The following CRIM1 variants were observed in gnomAD, a reference collection of about 807,000 sequenced individuals.
The protein encoded by CRIM1 is cysteine-rich motor neuron 1 protein.
Under a neutral mutation model 116.4 loss-of-function variants are expected in CRIM1, and 32 were observed. That is an observed-to-expected ratio of 0.27 (90% CI 0.21 to 0.37). The LOEUF (loss-of-function observed/expected upper bound fraction) is 0.37. CRIM1 is among the 10% of genes least tolerant of loss of function. The pLI is 1.00. For missense variants in CRIM1, 1,331 were observed against 1,354.8 expected (o/e 0.98, Z 0.28); for synonymous variants, 590 against 509.2 (o/e 1.16, Z -2.13).
At chr2:36,521,116 T>C (rs1378012180) in intron 12 of CRIM1, among the ~76,000 whole-genome samples, 1 of 152,204 alleles carries the variant, frequency 6.6e-6, no homozygotes, top group Non-Finnish European at 1.5e-5. Flanking sequence ...CTCAATCATA[T>C]TGCTGCTTGA....
At chr2:36,513,353 T>C (rs1281716029) in intron 10 of CRIM1, 11 of 554,752 alleles carry the variant, frequency 2.0e-5, no homozygotes, top group Non-Finnish European at 3.5e-5. Context: ...AGAAACTATT[T>C]GCCGGTTTTT....
chr2:36,539,670 G>T (rs187856004), intron 14 of CRIM1, among the ~76,000 whole-genome samples: 2 of 152,252 alleles, frequency 1.3e-5, no homozygotes, highest in East Asian at 3.9e-4. Flanking sequence ...CGTGGAGGTG[G>T]GGAGAAGTGG....
At chr2:36,456,240 G>A (rs1298178608) in intron 4 of CRIM1, among the ~76,000 whole-genome samples, 3 of 152,120 alleles carry the variant, frequency 2.0e-5, no homozygotes, top group African/African-American at 7.2e-5. Context: ...CCTAAACTTA[G>A]GGCCAGAACC....
intron 4 of CRIM1, among the ~76,000 whole-genome samples, chr2:36,463,795 G>A (rs1677774236): frequency 6.6e-6 from 1 of 152,172 alleles, no homozygotes; most frequent in Non-Finnish European, 1.5e-5. Flanking sequence ...GCAGCTCATG[G>A]AACACCCCCA....
At chr2:36,368,144 A>C (rs72785162) in intron 1 of CRIM1, among the ~76,000 whole-genome samples, 3,668 of 152,282 alleles carry the variant, frequency 0.024, 53 homozygotes, top group Non-Finnish European at 0.036. Flanking sequence ...CTTAAGGAGC[A>C]GACTGAATTT....
chr2:36,502,721 T>G (rs1264918482), intron 8 of CRIM1, among the ~76,000 whole-genome samples: 4 of 152,168 alleles, frequency 2.6e-5, no homozygotes, highest in African/African-American at 9.7e-5. Flanking sequence ...AAGAGGAAGC[T>G]TTGGTCCTTC....
chr2:36,540,304 C>G lies in CRIM1; in HGVS notation c.2623+2758C>G, dbSNP rs545721702. ...CAAGAAAGAATGGGAGAGGTGAATT[C>G]AATTCACCTCTCCCATTGCGAGTTA... On this transcript the variant is annotated intron_variant, in intron 14 of 16. Transcript: ENST00000280527. Among the ~76,000 whole-genome samples, 8 of 152,204 alleles carry G rather than the reference C, an allele frequency of 5.3e-5. No individual in the cohort carries two copies. The South Asian group carries it at 8.3e-4, about 16-fold the overall frequency.
intron 2 of CRIM1, among the ~76,000 whole-genome samples, chr2:36,414,468 A>C (rs949416362): frequency 6.6e-6 from 1 of 152,208 alleles, no homozygotes; most frequent in African/African-American, 2.4e-5. Context: ...ACTGTGCTAG[A>C]TTCAGGGCAA....
At chr2:36,435,925 CTTT>C (rs11344634) in intron 2 of CRIM1, among the ~76,000 whole-genome samples, 11 of 144,172 alleles carry the variant, frequency 7.6e-5, no homozygotes, top group Admixed American at 1.4e-4. Flanking sequence ...TCTGGGCAGG[CTTT>C]TTTTTTTTTT....
intron 1 of CRIM1, among the ~76,000 whole-genome samples, chr2:36,386,583 C>T (rs964942235): frequency 2.0e-5 from 3 of 152,210 alleles, no homozygotes; most frequent in Admixed American, 2.0e-4. Context: ...TGTGCTCGTC[C>T]TCTCTATCCC....
At chr2:36,484,148 C>G (rs1038195091) in intron 7 of CRIM1, among the ~76,000 whole-genome samples, 6 of 152,140 alleles carry the variant, frequency 3.9e-5, no homozygotes, top group African/African-American at 1.4e-4. Context: ...CAGTTCAGCC[C>G]CTGAAGTCCA....
intron 2 of CRIM1, among the ~76,000 whole-genome samples, chr2:36,402,149 A>G (rs1205314057): frequency 6.6e-6 from 1 of 152,208 alleles, no homozygotes; most frequent in Non-Finnish European, 1.5e-5. Flanking sequence ...CAGGCAGTAA[A>G]TACATAAATA....
At chr2:36,472,273 CCT>C (rs141205674) in intron 5 of CRIM1, among the ~76,000 whole-genome samples, 1,962 of 152,254 alleles carry the variant, frequency 0.013, 45 homozygotes, top group African/African-American at 0.045. Flanking sequence ...CACATCTACC[CCT>C]GATAGGTGAA....
intron 7 of CRIM1, among the ~76,000 whole-genome samples, chr2:36,494,028 GAATTTCTCATAAA>G (rs749924368): frequency 7.9e-5 from 12 of 152,162 alleles, no homozygotes; most frequent in Non-Finnish European, 1.5e-4. Context: ...AGTTTTTGGA[GAATTTCTCATAAA>G]ATAAACTAAC....
intron 1 of CRIM1, among the ~76,000 whole-genome samples, chr2:36,357,375 G>C (rs572011467): frequency 4.6e-5 from 7 of 152,184 alleles, no homozygotes; most frequent in Non-Finnish European, 8.8e-5. Flanking sequence ...TTCCTGTCGT[G>C]TTGCCGGTTC....
chr2:36,356,351 T>A lies in CRIM1; in HGVS notation c.59T>A (p.Leu20Gln), dbSNP rs1207609162. ...GGCTGCGGGCACCTCCTGGTCTCGC[T>A]GCTGGGGCTGCTGCTGCTGCTGGCG... is the stretch of plus-strand genomic sequence containing the variant. ...LAGCGHLLVS[L>Q]LGLLLLLARS... Residue 20 changes from leucine (L) to glutamine (Q), a missense_variant, in exon 1 of 17, where the codon CTG becomes CAG. Leu to Gln is a moderately radical substitution (Grantham distance 113). Transcript: ENST00000280527. The surrounding 1 kb of genome is among the most constrained non-coding windows in gnomAD (Gnocchi z 4.3). 5 of 1,591,866 alleles carry A rather than the reference T, an allele frequency of 3.1e-6. No individual in the cohort carries two copies. In the Admixed American group the frequency reaches 5.2e-5, roughly 17 times the overall value.
chr2:36,541,304 C>T (rs10084382), intron 14 of CRIM1, among the ~76,000 whole-genome samples: 43,576 of 151,874 alleles, frequency 0.29, 6,394 homozygotes, highest in Middle Eastern at 0.44. Flanking sequence ...AACCTTGCTT[C>T]TTCCTTTAGA....
intron 2 of CRIM1, among the ~76,000 whole-genome samples, chr2:36,428,345 A>G (rs904543640): frequency 1.3e-5 from 2 of 152,246 alleles, no homozygotes; most frequent in African/African-American, 4.8e-5. Context: ...TCCTTTGACA[A>G]GTAAGTCTTG....
At chr2:36,431,836 C>T (rs1372400715) in intron 2 of CRIM1, among the ~76,000 whole-genome samples, 1 of 152,228 alleles carries the variant, frequency 6.6e-6, no homozygotes, top group Non-Finnish European at 1.5e-5. Flanking sequence ...CCAGACCCTT[C>T]ACTCTGACAT....
Sources: allele counts gnomAD v4.1 joint callset (sites outside exome capture counted in the v4.1 genomes callset), GRCh38; gene constraint gnomAD v4.1.1; non-coding constraint Gnocchi (gnomAD v3.1); transcripts MANE v1.5; gene names NCBI Gene and HGNC (gene_info 2026-07-23, HGNC 2026-07-21).